Variants in KCNQ5 observed in about 807,000 individuals in gnomAD.
KCNQ5 encodes potassium voltage-gated channel subfamily KQT member 5.
In KCNQ5, 30 loss-of-function variants were observed where a neutral mutation model predicts 98.2. The observed-to-expected ratio is 0.31, with a 90% confidence interval of 0.23 to 0.41. The LOEUF (loss-of-function observed/expected upper bound fraction) is 0.41, where lower values mean the gene tolerates loss of function less well. Ranked by LOEUF, KCNQ5 falls within the 10% of genes least tolerant of loss-of-function variation. The pLI is 1.00. For synonymous variants in KCNQ5, 458 were observed against 449.4 expected (o/e 1.02, Z -0.24); for missense variants, 835 against 1,182.5 (o/e 0.71, Z 4.31).
At chr6:72,998,111 A>C (rs1369726832) in intron 1 of KCNQ5, among the ~76,000 whole-genome samples, 1 of 152,054 alleles carries the variant, frequency 6.6e-6, no homozygotes, top group Non-Finnish European at 1.5e-5. Context: ...GAAAGAAATG[A>C]CTCCAGTGCT....
chr6:72,857,586 A>G (rs1325893569), intron 1 of KCNQ5, among the ~76,000 whole-genome samples: 1 of 152,196 alleles, frequency 6.6e-6, no homozygotes, highest in Non-Finnish European at 1.5e-5. Flanking sequence ...ATAAAACTAA[A>G]AGACCTTAGA....
chr6:72,877,875 C>T (rs995375135), intron 1 of KCNQ5, among the ~76,000 whole-genome samples: 1 of 152,236 alleles, frequency 6.6e-6, no homozygotes, highest in Non-Finnish European at 1.5e-5. Flanking sequence ...CTTTTTACCA[C>T]AGACTCCTTG....
chr6:72,639,191 G>T (rs905194533), intron 1 of KCNQ5, among the ~76,000 whole-genome samples: 3 of 152,094 alleles, frequency 2.0e-5, no homozygotes, highest in Non-Finnish European at 4.4e-5. Context: ...GAAATGAGAA[G>T]AGAAAGATTT....
rs150220403 is a variant in KCNQ5, at chr6:72,960,272, C to G, written c.399-43636C>G. ...ACTAATTAAGACAAACTTTACACTGCCCATGATGTCAATTTATAAAAATAT... is the reference window on the plus strand; with the variant it reads ...ACTAATTAAGACAAACTTTACACTGGCCATGATGTCAATTTATAAAAATAT... On this transcript the variant is annotated intron_variant, in intron 1 of 13. Coordinates refer to ENST00000370398, the MANE Select transcript of KCNQ5 (RefSeq NM_019842.4). Among the ~76,000 whole-genome samples, 30 of 152,266 alleles carry G rather than the reference C, an allele frequency of 2.0e-4. No individual in the cohort carries two copies. The East Asian group carries it at 5.8e-3, about 29-fold the overall frequency.
intron 1 of KCNQ5, among the ~76,000 whole-genome samples, chr6:72,680,530 A>G (rs896966896): frequency 1.3e-5 from 2 of 152,116 alleles, no homozygotes; most frequent in Non-Finnish European, 2.9e-5. Context: ...GAATGATAAC[A>G]CTCTTGCCTT....
At chr6:72,923,747 T>A (rs1196457722) in intron 1 of KCNQ5, among the ~76,000 whole-genome samples, 1 of 152,196 alleles carries the variant, frequency 6.6e-6, no homozygotes, top group Non-Finnish European at 1.5e-5. Context: ...AAGTTTATGT[T>A]CATGTGTGCT....
chr6:72,844,483 A>C (rs1562020060), intron 1 of KCNQ5, among the ~76,000 whole-genome samples: 1 of 152,236 alleles, frequency 6.6e-6, no homozygotes. Context: ...ACAGTATAAA[A>C]TAGTAGAATT....
intron 5 of KCNQ5, among the ~76,000 whole-genome samples, chr6:73,090,829 C>T (rs1361023172): frequency 6.6e-6 from 1 of 152,134 alleles, no homozygotes; most frequent in African/African-American, 2.4e-5. Flanking sequence ...ACAACAGATG[C>T]TGGAGAGGAT....
At chr6:73,174,691 C>A (rs1778148988) in intron 11 of KCNQ5, among the ~76,000 whole-genome samples, 1 of 152,204 alleles carries the variant, frequency 6.6e-6, no homozygotes, top group South Asian at 2.1e-4. Context: ...ACAGGACAGC[C>A]TCTGTACATC....
At chr6:73,051,608 G>A (rs1772237839) in intron 3 of KCNQ5, among the ~76,000 whole-genome samples, 1 of 150,852 alleles carries the variant, frequency 6.6e-6, no homozygotes, top group Non-Finnish European at 1.5e-5. Flanking sequence ...GTTCTGAGCT[G>A]AGCCTTACCC....
rs1016871193 is a variant in KCNQ5 at position 72,769,530 on chromosome 6, A to AT, written c.398+146955dup. Among the ~76,000 whole-genome samples the AT allele has an allele frequency of 3.2e-3, 472 of 147,516 alleles. 3 individuals carry two copies. Among genetic ancestry groups the AT allele is most frequent in the African/African-American group, 0.01 (407 of 40,486 alleles). ...TATCTGGAGGGGTACCTGAGCAGAGATTTTTTTTTTTTAAAGCTCTGTAGC... is the reference window on the plus strand; with the variant it reads ...TATCTGGAGGGGTACCTGAGCAGAGATTTTTTTTTTTTTAAAGCTCTGTAGC... On this transcript the variant is annotated intron_variant, in intron 1 of 13. Coordinates refer to ENST00000370398, the MANE Select transcript of KCNQ5 (RefSeq NM_019842.4).
At chr6:72,812,742 A>T (rs1250551790) in intron 1 of KCNQ5, among the ~76,000 whole-genome samples, 2 of 152,230 alleles carry the variant, frequency 1.3e-5, no homozygotes, top group Admixed American at 1.3e-4. Flanking sequence ...TAAGTGGCAC[A>T]TTAAGTGCAC....
chr6:72,830,729 A>G (rs1379288466), intron 1 of KCNQ5, among the ~76,000 whole-genome samples: 1 of 152,250 alleles, frequency 6.6e-6, no homozygotes, highest in Non-Finnish European at 1.5e-5. Context: ...GCCAAAATTG[A>G]CAAATGTGAT....
intron 1 of KCNQ5, among the ~76,000 whole-genome samples, chr6:72,655,026 G>GTCTTTCTT (rs55711635): frequency 0.018 from 1,876 of 105,610 alleles, 39 homozygotes; most frequent in Non-Finnish European, 0.024. Flanking sequence ...AGGTCTGTCT[G>GTCTTTCTT]TCTTTCTTTC....
At chr6:73,066,909 C>G (rs967029583) in intron 3 of KCNQ5, among the ~76,000 whole-genome samples, 1 of 152,076 alleles carries the variant, frequency 6.6e-6, no homozygotes, top group Non-Finnish European at 1.5e-5. Flanking sequence ...ACATCTGGCA[C>G]ATGATATACA....
rs144267525 is a variant in KCNQ5 at position 73,141,836 on chromosome 6, C to G, written c.1468+8195C>G. ...TGAATCTGAATGCTGTATTAGTTAT[C>G]TATTGTTACATAGCAAATTACCCTC... On this transcript the variant is annotated intron_variant, in intron 10 of 13. Coordinates refer to ENST00000370398, the MANE Select transcript of KCNQ5 (RefSeq NM_019842.4). 3.0e-4 allele frequency among the ~76,000 whole-genome samples: 46 copies of G among 152,274 alleles called. No individual in the cohort carries two copies. The East Asian group carries it at 4.8e-3, about 16-fold the overall frequency.
At chr6:72,947,759 C>A (rs1462245282) in intron 1 of KCNQ5, among the ~76,000 whole-genome samples, 1 of 152,076 alleles carries the variant, frequency 6.6e-6, no homozygotes, top group Non-Finnish European at 1.5e-5. Flanking sequence ...CATGTTTATT[C>A]TGTCAAATAT....
chr6:73,063,861 A>C (rs1467236578), intron 3 of KCNQ5, among the ~76,000 whole-genome samples: 1 of 152,186 alleles, frequency 6.6e-6, no homozygotes, highest in African/African-American at 2.4e-5. Context: ...TTCACTCTTT[A>C]AAGTGCTATC....
Position 72,892,672 on chromosome 6 carries a change from C to A in KCNQ5, c.399-111236C>A, listed in dbSNP as rs552382669. On this transcript the variant is annotated intron_variant, in intron 1 of 13. Coordinates refer to ENST00000370398, the MANE Select transcript of KCNQ5 (RefSeq NM_019842.4). ...TTGCAGACCGACACTCCTGCTACAGCAATTTTTATCATGAGTTTGTACTTT... is the reference window on the plus strand; with the variant it reads ...TTGCAGACCGACACTCCTGCTACAGAAATTTTTATCATGAGTTTGTACTTT... Among the ~76,000 whole-genome samples the A allele has an allele frequency of 7.3e-5, 11 of 151,200 alleles. 1 individual carries two copies. The South Asian group carries it at 2.1e-3, about 29-fold the overall frequency.
Sources: gnomAD v4.1 joint callset for allele counts (sites outside exome capture counted in the v4.1 genomes callset) on GRCh38, gnomAD v4.1.1 for gene constraint, MANE v1.5 for transcripts, NCBI Gene and HGNC (gene_info 2026-07-23, HGNC 2026-07-21) for gene names.